BUB1B: variants seen among roughly 807,000 people sequenced by gnomAD.
BUB1B encodes the protein mitotic checkpoint serine/threonine-protein kinase BUB1 beta.
Under a neutral mutation model 137.7 loss-of-function variants are expected in BUB1B, and 86 were observed. The observed-to-expected ratio is 0.62, with a 90% CI of 0.52 to 0.75. The LOEUF (loss-of-function observed/expected upper bound fraction) is 0.75, where lower values mean the gene tolerates loss of function less well. Among genes scored for constraint, BUB1B ranks in the 30% least tolerant of loss-of-function variants. The pLI, the probability that BUB1B is intolerant of heterozygous loss-of-function variation, is 0.00. For missense variants in BUB1B, 1,130 were observed against 1,236.9 expected, an observed-to-expected ratio of 0.91 and a Z score of 1.30; for synonymous variants, 420 against 417.9, an observed-to-expected ratio of 1.00 and a Z score of -0.06.
rs1349171668 is a variant in BUB1B, at chr15:40,206,385, G to A, written c.1936G>A (p.Val646Ile). ...ERLLPEEDLDVKTSEDQQTAC... is the reference protein window; with the variant it reads ...ERLLPEEDLDIKTSEDQQTAC... ...ACTGTTACCGGAAGAAGATCTAGAT[G>A]TAAAGACCTCTGAGGACCAGCAGAC... Residue 646 changes from valine (V) to isoleucine (I), a missense_variant, in exon 15 of 23, where the codon GTA (valine) becomes ATA (isoleucine). Val to Ile is a conservative substitution (Grantham distance 29). Transcript: ENST00000287598. The A allele has an allele frequency of 1.9e-6, 3 of 1,614,072 alleles. No homozygotes were observed. The highest frequency in any genetic ancestry group is 1.7e-6 in the Non-Finnish European group (2 of 1,180,048).
At chr15:40,199,296 G>T (rs1369013585) in intron 9 of BUB1B, among the ~76,000 whole-genome samples, 1 of 152,140 alleles carries the variant, frequency 6.6e-6, no homozygotes, top group East Asian at 1.9e-4. Flanking sequence ...CCCCAAATTT[G>T]AATGTTAGTA....
chr15:40,217,516 G>C lies in BUB1B; in HGVS notation c.2699G>C (p.Cys900Ser). ...LRNRIHDPYD[C>S]NKNNQALKIV... ...CTCAGAATCCACGATCCCTATGATT[G>C]TAACAAGAACAATCAAGCTTTGAAG... The change falls in exon 21 of 23, where the codon TGT becomes TCT. Residue 900 changes from cysteine to serine, a missense_variant. Coordinates refer to ENST00000287598, the MANE Select transcript of BUB1B (RefSeq NM_001211.6). 6.2e-7 allele frequency: 1 copy of C among 1,613,742 alleles called. No homozygotes were observed. The highest frequency in any genetic ancestry group is 8.5e-7 in the Non-Finnish European group (1 of 1,179,954).
At chr15:40,184,440 G>A (rs546917797) in intron 6 of BUB1B, among the ~76,000 whole-genome samples, 2 of 152,180 alleles carry the variant, frequency 1.3e-5, no homozygotes, top group East Asian at 3.9e-4. Context: ...AAGTAGCTAG[G>A]ATTATAGGTG....
At chr15:40,195,890 G>C (rs561978607) in intron 8 of BUB1B, among the ~76,000 whole-genome samples, 1 of 152,100 alleles carries the variant, frequency 6.6e-6, no homozygotes, top group South Asian at 2.1e-4. Context: ...GTCCTTTGTC[G>C]GATGCATAGA....
At chr15:40,202,363 G>A in intron 12 of BUB1B, 42 bp from the exon 13 acceptor site, 1 of 1,463,598 alleles carries the variant, frequency 6.8e-7, no homozygotes, top group Non-Finnish European at 9.5e-7. Context: ...GAAGAGTAAA[G>A]CATTTACTCC....
intron 5 of BUB1B, among the ~76,000 whole-genome samples, chr15:40,181,136 GGCT>G (rs2037287712): frequency 1.3e-5 from 2 of 150,808 alleles, no homozygotes; most frequent in Non-Finnish European, 3.0e-5. Flanking sequence ...CTGTTGCCTA[GGCT>G]GGAGTGCAGT....
intron 3 of BUB1B, 136 bp downstream of exon 3, chr15:40,170,257 A>G (rs2037146699): frequency 2.3e-6 from 2 of 858,272 alleles, no homozygotes; most frequent in East Asian, 5.1e-5. Context: ...ATCCAGAATA[A>G]TCATAATATA....
intron 22 of BUB1B, among the ~76,000 whole-genome samples, chr15:40,218,946 C>G (rs2037844793): frequency 1.3e-5 from 2 of 152,240 alleles, no homozygotes; most frequent in Non-Finnish European, 1.5e-5. Flanking sequence ...GAGTCTCGCT[C>G]TGTTGCCCAG....
chr15:40,193,139 C>T (rs1215569841), intron 8 of BUB1B, among the ~76,000 whole-genome samples: 1 of 152,160 alleles, frequency 6.6e-6, no homozygotes, highest in Non-Finnish European at 1.5e-5. Flanking sequence ...CATGAGTCAC[C>T]ACACCCAGCC....
rs763327688 is a variant in BUB1B, at chr15:40,199,606, T to C, written c.1289-9T>C. ...GGAATAATACCTCAAGCAACTTTAC[T>C]GTTTCTAGCCGAGCTATTGACCAGT... On this transcript the variant is annotated splice_polypyrimidine_tract_variant and intron_variant, in intron 9 of 22. Coordinates refer to ENST00000287598, the MANE Select transcript of BUB1B (RefSeq NM_001211.6). 2.5e-6 allele frequency: 4 copies of C among 1,612,172 alleles called. No individual in the cohort carries two copies. Among genetic ancestry groups the C allele is most frequent in the Non-Finnish European group, 3.4e-6 (4 of 1,178,256 alleles).
chr15:40,203,669 C>T (rs1321069980), intron 14 of BUB1B, among the ~76,000 whole-genome samples: 1 of 151,978 alleles, frequency 6.6e-6, no homozygotes, highest in African/African-American at 2.4e-5. Context: ...TTTGGCAATG[C>T]AAAAGTTATG....
At chr15:40,195,824 ATTGT>A (rs1352752166) in intron 8 of BUB1B, among the ~76,000 whole-genome samples, 9 of 151,624 alleles carry the variant, frequency 5.9e-5, no homozygotes, top group Middle Eastern at 3.4e-3. Context: ...TTTTGATAGG[ATTGT>A]TTGTTTTTTT....
chr15:40,219,077 C>G (rs2037847716), intron 22 of BUB1B, among the ~76,000 whole-genome samples: 1 of 151,894 alleles, frequency 6.6e-6, no homozygotes, highest in Non-Finnish European at 1.5e-5. Context: ...ATGCCTGGCT[C>G]ATTTTTGTAT....
chr15:40,201,824 G>T (rs887810343), intron 12 of BUB1B, among the ~76,000 whole-genome samples: 3 of 151,616 alleles, frequency 2.0e-5, no homozygotes, highest in African/African-American at 7.3e-5. Flanking sequence ...CCACCACCAC[G>T]CCCGGCTAAT....
intron 15 of BUB1B, among the ~76,000 whole-genome samples, chr15:40,208,315 A>C (rs1427895195): frequency 1.3e-5 from 2 of 152,172 alleles, no homozygotes; most frequent in Admixed American, 6.5e-5. Flanking sequence ...AGACGGGTGG[A>C]CCATCTGAAG....
intron 8 of BUB1B, among the ~76,000 whole-genome samples, chr15:40,189,458 G>A (rs1307830016): frequency 6.6e-6 from 1 of 152,146 alleles, no homozygotes. Context: ...CTGCGTCCAG[G>A]CAGTGTATGG....
intron 18 of BUB1B, among the ~76,000 whole-genome samples, chr15:40,211,842 G>A (rs1489306113): frequency 6.6e-6 from 1 of 151,130 alleles, no homozygotes; most frequent in African/African-American, 2.4e-5. Context: ...TTTTCTTCGA[G>A]ACGGAGTTTT....
rs1250211913 is a variant in BUB1B at position 40,202,658 on chromosome 15, C to T, written c.1698C>T (p.Ser566=). ...TTGCAGTTCTCAAAACCTCAGAAAG[C>T]ATCACCTCAAATGAAGATGTGTCTC... The part of the protein sequence containing the change: ...RPLAVLKTSE[S]ITSNEDVSPD... The change falls in exon 14 of 23, where the codon AGC becomes AGT. Residue 566 remains serine (S), a synonymous_variant. Transcript: ENST00000287598. The T allele has an allele frequency of 6.8e-6, 11 of 1,613,916 alleles. No homozygotes were observed. Among genetic ancestry groups the T allele is most frequent in the South Asian group, 1.1e-5 (1 of 91,086 alleles).
At chr15:40,184,816 A>C (rs2037339040) in intron 6 of BUB1B, among the ~76,000 whole-genome samples, 1 of 152,212 alleles carries the variant, frequency 6.6e-6, no homozygotes, top group South Asian at 2.1e-4. Context: ...CATTGAGAGA[A>C]AATTTAAAAC....
Sources: gnomAD v4.1 joint callset for allele counts (sites outside exome capture counted in the v4.1 genomes callset) on GRCh38, gnomAD v4.1.1 for gene constraint, MANE v1.5 for transcripts, NCBI Gene and HGNC (gene_info 2026-07-23, HGNC 2026-07-21) for gene names.